The following CDYL2 variants were observed in gnomAD, a reference collection of about 807,000 sequenced individuals.
CDYL2 encodes the protein chromodomain Y-like protein 2.
A neutral mutation model predicts 49.4 loss-of-function variants in CDYL2; 23 were observed. The ratio of observed to expected loss-of-function variants is 0.47; its 90% CI spans 0.34 to 0.66. The LOEUF (loss-of-function observed/expected upper bound fraction) is 0.66, where lower values mean the gene tolerates loss of function less well. CDYL2 is among the 30% of genes least tolerant of loss of function. The pLI is 0.01. For missense variants in CDYL2, 678 were observed against 656.4 expected, an observed-to-expected ratio of 1.03 and a Z score of -0.36; for synonymous variants, 360 against 268.8, an observed-to-expected ratio of 1.34 and a Z score of -3.32.
At position 80,609,870 on chromosome 16, in the gene CDYL2, C is replaced by G. The variant is rs141831577; in HGVS notation, c.1219-1635G>C. On this transcript the variant is annotated intron_variant, in intron 5 of 6. Transcript: ENST00000570137. Reference sequence around the variant, plus strand: ...AGACCCATAAAATTAACAAACAACCCACTCTAGAGCTAAGAAAACGAACAT... The same window carrying G: ...AGACCCATAAAATTAACAAACAACCGACTCTAGAGCTAAGAAAACGAACAT... Among the ~76,000 whole-genome samples, 4 of 152,156 alleles carry G rather than the reference C, an allele frequency of 2.6e-5. No homozygotes were observed. The East Asian group carries it at 7.8e-4, about 30-fold the overall frequency.
intron 1 of CDYL2, among the ~76,000 whole-genome samples, chr16:80,749,932 G>C (rs953987340): frequency 6.6e-6 from 1 of 152,122 alleles, no homozygotes; most frequent in Non-Finnish European, 1.5e-5. Context: ...CATGTCCTTT[G>C]TAGGGACATG....
chr16:80,800,329 T>C (rs996420177), intron 1 of CDYL2, among the ~76,000 whole-genome samples: 4 of 152,114 alleles, frequency 2.6e-5, no homozygotes, highest in African/African-American at 7.2e-5. Context: ...TAGAAGCAAA[T>C]GCCCTGTGCA....
At position 80,629,947 on chromosome 16, in the gene CDYL2, G is replaced by A. The variant is rs2142387882; in HGVS notation, c.834+3072C>T. 2.6e-5 allele frequency among the ~76,000 whole-genome samples: 4 copies of A among 152,196 alleles called. No homozygotes were observed. In the South Asian group the frequency reaches 8.3e-4, roughly 32 times the overall value. On this transcript the variant is annotated intron_variant, in intron 3 of 6. Transcript: ENST00000570137. Reference sequence around the variant, plus strand: ...CTGTGCATACATTATCTCTAATCTTGCCAGCAAAATACTGTAAAATTTCTA... The same window carrying A: ...CTGTGCATACATTATCTCTAATCTTACCAGCAAAATACTGTAAAATTTCTA...
At chr16:80,696,282 A>T (rs548689112) in intron 1 of CDYL2, among the ~76,000 whole-genome samples, 2 of 152,310 alleles carry the variant, frequency 1.3e-5, no homozygotes, top group South Asian at 2.1e-4. Context: ...ATGAACATCT[A>T]CATCAAAAAA....
Position 80,664,336 on chromosome 16 carries a change from C to T in CDYL2, c.616+20202G>A, listed in dbSNP as rs542589629. 8.5e-5 allele frequency among the ~76,000 whole-genome samples: 13 copies of T among 152,272 alleles called. No homozygotes were observed. In the East Asian group the frequency reaches 1.7e-3, roughly 20 times the overall value. On this transcript the variant is annotated intron_variant, in intron 2 of 6. Coordinates refer to ENST00000570137, the MANE Select transcript of CDYL2 (RefSeq NM_152342.4). ...GTCCACCTTCACACATCTAATCCTC[C>T]GGGGCCACTTGAAATGCTTCTCTTC...
intron 1 of CDYL2, among the ~76,000 whole-genome samples, chr16:80,772,017 G>A (rs549012706): frequency 2.4e-4 from 37 of 152,212 alleles, no homozygotes; most frequent in African/African-American, 7.9e-4. Flanking sequence ...CTAAACTGAT[G>A]GAAAATATTA....
intron 1 of CDYL2, among the ~76,000 whole-genome samples, chr16:80,757,256 C>G (rs940558144): frequency 5.9e-5 from 9 of 151,946 alleles, no homozygotes; most frequent in Non-Finnish European, 1.3e-4. Context: ...ATTCAATAAC[C>G]AATAGTTTAC....
At chr16:80,745,795 A>T (rs1482522357) in intron 1 of CDYL2, among the ~76,000 whole-genome samples, 1 of 152,110 alleles carries the variant, frequency 6.6e-6, no homozygotes. Flanking sequence ...AATCCTCCCT[A>T]TGACCAGGAC....
chr16:80,664,969 T>A (rs11644277), intron 2 of CDYL2, among the ~76,000 whole-genome samples: 8,432 of 152,240 alleles, frequency 0.055, 340 homozygotes, highest in Non-Finnish European at 0.082. Context: ...ATTTGTCATT[T>A]CCCCATTTGT....
At chr16:80,793,674 A>G (rs1229600355) in intron 1 of CDYL2, among the ~76,000 whole-genome samples, 1 of 152,262 alleles carries the variant, frequency 6.6e-6, no homozygotes, top group Non-Finnish European at 1.5e-5. Flanking sequence ...GGTTTAGCAG[A>G]ACACAGTGGA....
In CDYL2 at chr16:80,608,223, G is replaced by C. The variant is rs760732086; in HGVS notation, c.1231C>G (p.Leu411Val). 2 of 1,577,170 alleles carry C rather than the reference G, an allele frequency of 1.3e-6. No individual in the cohort carries two copies. The highest frequency in any genetic ancestry group is 1.7e-6 in the Non-Finnish European group (2 of 1,160,474). The change falls in exon 6 of 7, where the codon CTG (leucine) becomes GTG (valine). Residue 411 changes from leucine (L) to valine (V), a missense_variant. This residue lies in a region of CDYL2 where 153 missense variants were observed against 150.6 expected (regional missense o/e 1.02). Transcript: ENST00000570137. ...GCGGTGAGCTTCCGCCCACAGAACA[G>C]CATCTCATTGGCCTGAAAAAGCAAA... ...ILGVALANEM[L>V]FCGRKLTAQE...
chr16:80,697,909 A>G (rs981915525), intron 1 of CDYL2, among the ~76,000 whole-genome samples: 3 of 152,168 alleles, frequency 2.0e-5, no homozygotes, highest in Non-Finnish European at 4.4e-5. Context: ...TAAGATTAAA[A>G]AAATGGAAAT....
intron 2 of CDYL2, among the ~76,000 whole-genome samples, chr16:80,645,221 C>A (rs187391308): frequency 0.013 from 1,996 of 152,184 alleles, 13 homozygotes; most frequent in Middle Eastern, 0.024. Context: ...AATGGGAGAA[C>A]ATTTTTGCAA....
intron 1 of CDYL2, among the ~76,000 whole-genome samples, chr16:80,796,408 A>G (rs908455398): frequency 6.6e-6 from 1 of 152,208 alleles, no homozygotes; most frequent in Admixed American, 6.5e-5. Context: ...CATAAAACTG[A>G]CCATCACATA....
intron 1 of CDYL2, among the ~76,000 whole-genome samples, chr16:80,702,632 C>T (rs1348540123): frequency 6.6e-6 from 1 of 152,134 alleles, no homozygotes; most frequent in South Asian, 2.1e-4. Context: ...TGTCTGTACT[C>T]CCAGCTACTC....
chr16:80,705,503 G>C (rs1904376145), intron 1 of CDYL2, among the ~76,000 whole-genome samples: 1 of 152,250 alleles, frequency 6.6e-6, no homozygotes, highest in South Asian at 2.1e-4. Context: ...CCCAGCTGTA[G>C]AAGGCACACT....
chr16:80,695,282 C>T (rs73593038), intron 1 of CDYL2, among the ~76,000 whole-genome samples: 13 of 152,186 alleles, frequency 8.5e-5, no homozygotes, highest in African/African-American at 3.1e-4. Context: ...AAAAAGTTTG[C>T]CAACACTTAT....
At chr16:80,692,296 C>A (rs1053932836) in intron 1 of CDYL2, among the ~76,000 whole-genome samples, 4 of 152,170 alleles carry the variant, frequency 2.6e-5, no homozygotes, top group African/African-American at 9.7e-5. Context: ...AGCCCTCCCC[C>A]ATCCAAAAAT....
chr16:80,718,571 C>A (rs1035096721), intron 1 of CDYL2, among the ~76,000 whole-genome samples: 8 of 152,196 alleles, frequency 5.3e-5, no homozygotes, highest in East Asian at 1.9e-4. Flanking sequence ...TGCTCCGTGA[C>A]AAGGCAAGCT....
Sources: allele counts gnomAD v4.1 joint callset (sites outside exome capture counted in the v4.1 genomes callset), GRCh38; gene constraint gnomAD v4.1.1; regional missense constraint gnomAD v4.1.1; transcripts MANE v1.5; gene names NCBI Gene and HGNC (gene_info 2026-07-23, HGNC 2026-07-21).